The following SLC4A8 variants were observed in gnomAD, a reference collection of about 807,000 sequenced individuals.
SLC4A8 encodes solute carrier family 4 member 8.
In SLC4A8, 40 loss-of-function variants were observed where a neutral mutation model predicts 125.0. The observed-to-expected ratio is 0.32, with a 90% CI of 0.25 to 0.42. The LOEUF (loss-of-function observed/expected upper bound fraction) is 0.42, where lower values mean the gene tolerates loss of function less well. Among genes scored for constraint, SLC4A8 ranks in the 10% least tolerant of loss-of-function variants. SLC4A8 has a pLI of 1.00. For synonymous variants in SLC4A8, 456 were observed against 476.0 expected, an observed-to-expected ratio of 0.96 and a Z score of 0.55; for missense variants, 863 against 1,355.1, an observed-to-expected ratio of 0.64 and a Z score of 5.70.
intron 11 of SLC4A8, 110 bp downstream of exon 11, chr12:51,463,824 G>A (rs184038165): frequency 4.4e-6 from 3 of 681,980 alleles, no homozygotes; most frequent in Non-Finnish European, 7.6e-6. Flanking sequence ...GAATTTATTG[G>A]CTGAAGAATG....
In SLC4A8 at chr12:51,511,905, C is replaced by T. The variant is rs1306802618; in HGVS notation, c.*4467C>T. 6.6e-6 allele frequency: 1 copy of T among 152,204 alleles called. No individual in the cohort carries two copies. Among genetic ancestry groups the T allele is most frequent in the Non-Finnish European group, 1.5e-5 (1 of 68,038 alleles). 9.4% of individuals were successfully genotyped at this position (152,204 alleles called of 1,614,324 possible). On this transcript the variant is annotated 3_prime_UTR_variant, in exon 25 of 25. Transcript: ENST00000453097. Reference sequence around the variant, plus strand: ...TAATTGATGTGCGTGTCACTGATTCCTGCAACAGCTTTGAATGTATTAAAT... The same window carrying T: ...TAATTGATGTGCGTGTCACTGATTCTTGCAACAGCTTTGAATGTATTAAAT...
Position 51,505,911 on chromosome 12 carries a change from G to A in SLC4A8, c.3250G>A (p.Gly1084Arg). The A allele has an allele frequency of 6.4e-7, 1 of 1,555,238 alleles. No homozygotes were observed. Among genetic ancestry groups the A allele is most frequent in the Non-Finnish European group, 8.9e-7 (1 of 1,129,852 alleles). Residue 1084 changes from glycine to arginine, a missense_variant, in exon 24 of 25, where the codon GGA (glycine) becomes AGA (arginine). Physicochemically the swap from Gly to Arg is moderately radical, Grantham distance 125. This residue lies in a region of SLC4A8 where 92 missense variants were observed against 125.6 expected (regional missense o/e 0.73). Coordinates refer to ENST00000453097, the MANE Select transcript of SLC4A8 (RefSeq NM_001039960.3). ...TTGGAAAGCTCTCAGTATGAATTCT[G>A]GAAATGCAAAGGAAAAGAGGTAAAG... Reference protein sequence around the residue: ...TVWKALSMNSGNAKEKSLFN With the variant: ...TVWKALSMNSRNAKEKSLFN
In SLC4A8 at chr12:51,414,304, G is replaced by C. The variant is rs144904785; in HGVS notation, c.-112+22816G>C. Among the ~76,000 whole-genome samples the C allele has an allele frequency of 8.9e-3, 1,361 of 152,148 alleles. 6 individuals carry two copies. Among genetic ancestry groups the C allele is most frequent in the Non-Finnish European group, 0.014 (945 of 67,984 alleles). ...GCAATTTTACTGACTTCGTTGGTCA[G>C]TTCTAAGAGTTTTTTGGTGGAGTCC... On this transcript the variant is annotated intron_variant, in intron 1 of 24. Transcript: ENST00000358657.
At chr12:51,495,774 G>T (rs1341330695) in intron 21 of SLC4A8, among the ~76,000 whole-genome samples, 2 of 151,812 alleles carry the variant, frequency 1.3e-5, no homozygotes, top group South Asian at 4.2e-4. Flanking sequence ...GAGCCACTGC[G>T]CCCAGCTTGT....
chr12:51,455,306 C>T (rs996495650), intron 5 of SLC4A8, among the ~76,000 whole-genome samples: 34 of 151,408 alleles, frequency 2.2e-4, no homozygotes, highest in Non-Finnish European at 4.4e-4. Context: ...AGAAACGGTT[C>T]CTACCTTCAA....
intron 16 of SLC4A8, among the ~76,000 whole-genome samples, chr12:51,482,605 C>T (rs978278467): frequency 6.6e-6 from 1 of 152,144 alleles, no homozygotes; most frequent in African/African-American, 2.4e-5. Flanking sequence ...GTCTCGAATT[C>T]CTGACCTCAA....
At position 51,512,356 on chromosome 12, in the gene SLC4A8, G is replaced by A. The variant is rs1208763676; in HGVS notation, c.*4918G>A. ...CCATATCTTGAGGGGAGCTCTCTTG[G>A]TTTCCTTTGGCCGGGTCTGTTAGTT... On this transcript the variant is annotated 3_prime_UTR_variant, in exon 25 of 25. Coordinates refer to ENST00000453097, the MANE Select transcript of SLC4A8 (RefSeq NM_001039960.3). 6.6e-6 allele frequency: 1 copy of A among 152,154 alleles called. No individual in the cohort carries two copies. Among genetic ancestry groups the A allele is most frequent in the Admixed American group, 6.5e-5 (1 of 15,284 alleles). The allele number at this position is 152,154 out of a possible 1,614,324, so 9.4% of individuals were successfully genotyped here. A position where few individuals can be genotyped will look rare whatever the true frequency, so the allele number is the denominator to read the frequency against.
At position 51,488,779 on chromosome 12, in the gene SLC4A8, A is replaced by G; in HGVS notation, c.2367A>G (p.Pro789=). ...GGACTGTGATAGCTGCAATTATCCC[A>G]GCTCTTCTCTGTACTATCTTGATAT... The part of the protein sequence containing the change: ...PWWTVIAAII[P]ALLCTILIFM... The change falls in exon 18 of 25, where the codon CCA becomes CCG. Residue 789 remains proline (P), a synonymous_variant. Coordinates refer to ENST00000453097, the MANE Select transcript of SLC4A8 (RefSeq NM_001039960.3). 1 of 1,613,712 alleles carries G rather than the reference A, an allele frequency of 6.2e-7. No homozygotes were observed. Among genetic ancestry groups the G allele is most frequent in the Non-Finnish European group, 8.5e-7 (1 of 1,179,610 alleles).
rs1018636652 is a variant in SLC4A8 at position 51,515,757 on chromosome 12, A to T, written c.*8319A>T. On this transcript the variant is annotated 3_prime_UTR_variant, in exon 25 of 25. Transcript: ENST00000453097. ...ATGGGTGAAAAATAAAGTCTGTGTA[A>T]ACTGTTTGTACCTGTGGTGTTCTTT... 6.6e-6 allele frequency: 1 copy of T among 152,184 alleles called. No individual in the cohort carries two copies. Among genetic ancestry groups the T allele is most frequent in the Non-Finnish European group, 1.5e-5 (1 of 68,044 alleles). The allele number at this position is 152,184 out of a possible 1,614,324, so 9.4% of individuals were successfully genotyped here.
intron 1 of SLC4A8, among the ~76,000 whole-genome samples, chr12:51,438,410 TTAACA>T (rs1327230058): frequency 6.6e-6 from 1 of 152,226 alleles, no homozygotes; most frequent in Non-Finnish European, 1.5e-5. Context: ...CTTATTTCAC[TTAACA>T]TAATGTCCTT....
At chr12:51,400,903 G>T (rs966820254) in intron 1 of SLC4A8, among the ~76,000 whole-genome samples, 1 of 147,728 alleles carries the variant, frequency 6.8e-6, no homozygotes, top group Admixed American at 6.7e-5. Flanking sequence ...TTTAAACAGG[G>T]TCTCACTCTG....
chr12:51,460,001 T>C lies in SLC4A8; in HGVS notation c.906T>C (p.Asn302=). 6.2e-7 allele frequency: 1 copy of C among 1,612,684 alleles called. No individual in the cohort carries two copies. The highest frequency in any genetic ancestry group is 1.1e-5 in the South Asian group (1 of 91,044). Residue 302 remains asparagine (N), a synonymous_variant, in exon 8 of 25, where the codon AAT becomes AAC. Coordinates refer to ENST00000453097, the MANE Select transcript of SLC4A8 (RefSeq NM_001039960.3). The part of the protein sequence containing the change: ...KKIPTGAEAS[N]VLVGEVDILD... ...TTCCTACTGGGGCCGAGGCCTCCAA[T>C]GTCCTGGTTGGAGAGGTGGATATTT...
chr12:51,472,358 C>T (rs1020198372), intron 14 of SLC4A8, among the ~76,000 whole-genome samples: 10 of 152,152 alleles, frequency 6.6e-5, no homozygotes, highest in Admixed American at 5.2e-4. Context: ...GAGGCATCTG[C>T]GGACCAGCGA....
intron 1 of SLC4A8, among the ~76,000 whole-genome samples, chr12:51,413,055 T>C (rs1198940114): frequency 6.6e-6 from 1 of 152,264 alleles, no homozygotes; most frequent in Non-Finnish European, 1.5e-5. Context: ...GAGTTCCCTT[T>C]TCCCTGCATC....
intron 1 of SLC4A8, among the ~76,000 whole-genome samples, chr12:51,414,827 G>A (rs1037215449): frequency 5.9e-5 from 9 of 152,172 alleles, no homozygotes; most frequent in African/African-American, 2.2e-4. Flanking sequence ...TTATATGGAG[G>A]TATGTTTCTT....
upstream of SLC4A8, among the ~76,000 whole-genome samples, chr12:51,422,890 C>A (rs937343392): frequency 2.0e-5 from 3 of 152,160 alleles, no homozygotes; most frequent in Non-Finnish European, 4.4e-5. Context: ...AGATCATTTT[C>A]TCTTCTGAAT....
In SLC4A8 at chr12:51,475,032, C is replaced by G. The variant is rs763741910; in HGVS notation, c.2011-13C>G. 1.1e-5 allele frequency: 18 copies of G among 1,612,130 alleles called. No homozygotes were observed. ...TGTCTGCCTTTCATCACCCAGAATG[C>G]TTATTCCTCCAGGAATGCCAGGAGA... On this transcript the variant is annotated splice_polypyrimidine_tract_variant and intron_variant, in intron 15 of 24. Coordinates refer to ENST00000453097, the MANE Select transcript of SLC4A8 (RefSeq NM_001039960.3).
intron 1 of SLC4A8, among the ~76,000 whole-genome samples, chr12:51,436,230 A>G (rs143554649): frequency 1.1e-3 from 166 of 152,294 alleles, no homozygotes; most frequent in Middle Eastern, 3.4e-3. Context: ...ACAACACACA[A>G]CAAGCCTCAG....
chr12:51,445,266 G>T (rs890052966), intron 2 of SLC4A8, among the ~76,000 whole-genome samples: 3 of 152,110 alleles, frequency 2.0e-5, no homozygotes, highest in African/African-American at 4.8e-5. Context: ...CACCTCCTGG[G>T]CTCAAGTGAC....
Sources: gnomAD v4.1 joint callset for allele counts (sites outside exome capture counted in the v4.1 genomes callset) on GRCh38, gnomAD v4.1.1 for gene constraint, gnomAD v4.1.1 regional missense constraint, MANE v1.5 for transcripts, NCBI Gene and HGNC (gene_info 2026-07-23, HGNC 2026-07-21) for gene names.